FLVCR1: variants seen among roughly 807,000 people sequenced by gnomAD.
FLVCR1 encodes the protein choline/ethanolamine transporter FLVCR1.
Under a neutral mutation model 53.6 loss-of-function variants are expected in FLVCR1, and 34 were observed. The ratio of observed to expected loss-of-function variants is 0.63; its 90% CI spans 0.48 to 0.84. The LOEUF (loss-of-function observed/expected upper bound fraction) is 0.84. Ranked by LOEUF, FLVCR1 falls within the 40% of genes least tolerant of loss-of-function variation. The pLI, the probability that FLVCR1 is intolerant of heterozygous loss-of-function variation, is 0.00. For synonymous variants in FLVCR1, 300 were observed against 286.3 expected, an observed-to-expected ratio of 1.05 and a Z score of -0.48; for missense variants, 677 against 696.7, an observed-to-expected ratio of 0.97 and a Z score of 0.32.
chr1:212,871,288 T>C (rs924480792), intron 2 of FLVCR1, among the ~76,000 whole-genome samples: 1 of 152,232 alleles, frequency 6.6e-6, no homozygotes, highest in African/African-American at 2.4e-5. Context: ...TTTCCTTCTA[T>C]TGTAATTAAC....
intron 3 of FLVCR1, among the ~76,000 whole-genome samples, chr1:212,875,059 A>G (rs1030295888): frequency 2.6e-5 from 4 of 152,106 alleles, no homozygotes; most frequent in African/African-American, 9.7e-5. Flanking sequence ...GAGCTGGCTT[A>G]ATGTTTGCCT....
At chr1:212,863,598 AACAT>A in intron 1 of FLVCR1, 123 bp from the exon 2 acceptor site, 2 of 864,234 alleles carry the variant, frequency 2.3e-6, no homozygotes, top group East Asian at 2.6e-5. Context: ...AAAAAAAAAG[AACAT>A]AATAGTTTAA....
Position 212,899,349 on chromosome 1 carries a change from ATT to A in FLVCR1, c.*4065_*4066del, listed in dbSNP as rs965496146. ...AGTATTTCAGACTCAAAATAAATTT[ATT>A]TTTTTATGTTAATTTTCTGTGACTT... On this transcript the variant is annotated 3_prime_UTR_variant, in exon 10 of 10. Transcript: ENST00000366971. 6.6e-6 allele frequency: 1 copy of A among 152,064 alleles called. No individual in the cohort carries two copies. The highest frequency in any genetic ancestry group is 1.5e-5 in the Non-Finnish European group (1 of 67,982). The allele number at this position is 152,064 out of a possible 1,614,324, so 9.4% of individuals were successfully genotyped here.
chr1:212,872,089 A>G (rs1326695422), intron 2 of FLVCR1, among the ~76,000 whole-genome samples: 1 of 152,008 alleles, frequency 6.6e-6, no homozygotes, highest in Non-Finnish European at 1.5e-5. Context: ...TGGCTTCCTC[A>G]TATCTGATTT....
intron 3 of FLVCR1, among the ~76,000 whole-genome samples, chr1:212,873,310 CA>C (rs66596141): frequency 1.4e-5 from 2 of 144,160 alleles, no homozygotes; most frequent in Non-Finnish European, 1.5e-5. Flanking sequence ...GAGACTATCT[CA>C]AAAAAAAAAT....
At chr1:212,872,644 A>AC in intron 2 of FLVCR1, 34 bp from the exon 3 acceptor site, 1 of 1,418,852 alleles carries the variant, frequency 7.0e-7, no homozygotes, top group Non-Finnish European at 9.9e-7. Context: ...TATATATATT[A>AC]AATATACATA....
At chr1:212,866,492 A>C (rs61833731) in intron 2 of FLVCR1, among the ~76,000 whole-genome samples, 13 of 141,700 alleles carry the variant, frequency 9.2e-5, no homozygotes, top group African/African-American at 3.3e-4. Flanking sequence ...TTTTTTTTAA[A>C]TCCTCTTCAA....
In FLVCR1 at chr1:212,897,919, T is replaced by C. The variant is rs1052218422; in HGVS notation, c.*2629T>C. ...ACTATATCAGGCAGAATATATGCAT[T>C]GATATATATTGAAATTATAACATTC... On this transcript the variant is annotated 3_prime_UTR_variant, in exon 10 of 10. Transcript: ENST00000366971. 6.6e-6 allele frequency: 1 copy of C among 152,224 alleles called. No homozygotes were observed. Among genetic ancestry groups the C allele is most frequent in the African/African-American group, 2.4e-5 (1 of 41,454 alleles). 9.4% of individuals were successfully genotyped at this position (152,224 alleles called of 1,614,324 possible).
In FLVCR1 at chr1:212,881,732, C is replaced by G. The variant is rs550961052; in HGVS notation, c.1025-1639C>G. On this transcript the variant is annotated intron_variant, in intron 3 of 9. Coordinates refer to ENST00000366971, the MANE Select transcript of FLVCR1 (RefSeq NM_014053.4). Reference sequence around the variant, plus strand: ...ATAAATATGATTATATTAAAATAATCTTTTCTAGGAAGACATTATTGAAAA... The same window carrying G: ...ATAAATATGATTATATTAAAATAATGTTTTCTAGGAAGACATTATTGAAAA... Among the ~76,000 whole-genome samples, 36 of 152,174 alleles carry G rather than the reference C, an allele frequency of 2.4e-4. No individual in the cohort carries two copies. In the South Asian group the frequency reaches 4.2e-3, roughly 18 times the overall value.
chr1:212,860,195 C>G (rs917674830), intron 1 of FLVCR1, among the ~76,000 whole-genome samples: 5 of 152,084 alleles, frequency 3.3e-5, no homozygotes, highest in Admixed American at 6.5e-5. Context: ...AATCTACATG[C>G]TTATTGCTTT....
At chr1:212,860,679 T>A (rs983395812) in intron 1 of FLVCR1, among the ~76,000 whole-genome samples, 4 of 152,170 alleles carry the variant, frequency 2.6e-5, no homozygotes, top group African/African-American at 9.7e-5. Context: ...CCTATTACTT[T>A]TCTCTTATCC....
chr1:212,879,439 C>G (rs2102559449), intron 3 of FLVCR1, among the ~76,000 whole-genome samples: 1 of 152,172 alleles, frequency 6.6e-6, no homozygotes, highest in South Asian at 2.1e-4. Context: ...GTGGGATACT[C>G]TGGATAAGGA....
At position 212,859,003 on chromosome 1, in the gene FLVCR1, A is replaced by C. The variant is rs758893792; in HGVS notation, c.551A>C (p.Asn184Thr). ...ACCGCCCTGCTGGGCTCCGGCCTCA[A>C]CTGCCTGGGTGCCTGGATCAAGTGC... ...RLTALLGSGL[N>T]CLGAWIKCGS... Residue 184 changes from asparagine (N) to threonine (T), a missense_variant, in exon 1 of 10, where the codon AAC becomes ACC. Physicochemically the swap from Asn to Thr is moderately conservative, Grantham distance 65. Transcript: ENST00000366971. The C allele has an allele frequency of 1.2e-6, 2 of 1,613,052 alleles. No homozygotes were observed. The highest frequency in any genetic ancestry group is 1.7e-6 in the Non-Finnish European group (2 of 1,179,130).
rs541065421 is a variant in FLVCR1 at position 212,890,733 on chromosome 1, T to A, written c.1525+1476T>A. ...TTGGAGGATCTGGTTATAACTTAGT[T>A]GGAGAATCTATCAGAAGGATGTGAA... On this transcript the variant is annotated intron_variant, in intron 8 of 9. Coordinates refer to ENST00000366971, the MANE Select transcript of FLVCR1 (RefSeq NM_014053.4). Among the ~76,000 whole-genome samples the A allele has an allele frequency of 2.6e-5, 4 of 152,336 alleles. No individual in the cohort carries two copies. The South Asian group carries it at 6.2e-4, about 24-fold the overall frequency.
At chr1:212,883,010 T>G (rs1664965040) in intron 3 of FLVCR1, among the ~76,000 whole-genome samples, 3 of 152,236 alleles carry the variant, frequency 2.0e-5, no homozygotes, top group Non-Finnish European at 4.4e-5. Context: ...ATTTGTTGGC[T>G]GTAGTAGTAC....
At chr1:212,869,550 C>G (rs1664538347) in intron 2 of FLVCR1, among the ~76,000 whole-genome samples, 1 of 152,108 alleles carries the variant, frequency 6.6e-6, no homozygotes. Context: ...ATTTTCTTTT[C>G]TTTTCATTTT....
At chr1:212,890,185 C>A (rs1455383097) in intron 8 of FLVCR1, among the ~76,000 whole-genome samples, 1 of 152,202 alleles carries the variant, frequency 6.6e-6, no homozygotes, top group Non-Finnish European at 1.5e-5. Flanking sequence ...TTTGCCCATG[C>A]ACATGGGTGT....
At chr1:212,860,482 C>A (rs7538679) in intron 1 of FLVCR1, among the ~76,000 whole-genome samples, 3,806 of 151,300 alleles carry the variant, frequency 0.025, 105 homozygotes, top group African/African-American at 0.069. Context: ...ACCACCACGC[C>A]CGGCCATGAT....
chr1:212,860,995 T>C (rs1223472810), intron 1 of FLVCR1, among the ~76,000 whole-genome samples: 1 of 152,232 alleles, frequency 6.6e-6, no homozygotes, highest in Non-Finnish European at 1.5e-5. Flanking sequence ...GTCTTCCCTC[T>C]GTTCTCGCAT....
Sources: gnomAD v4.1 joint callset for allele counts (sites outside exome capture counted in the v4.1 genomes callset) on GRCh38, gnomAD v4.1.1 for gene constraint, MANE v1.5 for transcripts, NCBI Gene and HGNC (gene_info 2026-07-23, HGNC 2026-07-21) for gene names.